MEGF8: variants seen among roughly 807,000 people sequenced by gnomAD.
MEGF8 encodes the protein multiple epidermal growth factor-like domains protein 8.
Under a neutral mutation model 302.9 loss-of-function variants are expected in MEGF8, and 156 were observed. That is an observed-to-expected ratio of 0.52 (90% CI 0.45 to 0.59). MEGF8 has a LOEUF of 0.59. Among genes scored for constraint, MEGF8 ranks in the 20% least tolerant of loss-of-function variants. The pLI, the probability that MEGF8 is intolerant of heterozygous loss-of-function variation, is 0.00. For synonymous variants in MEGF8, 1,621 were observed against 1,660.5 expected (o/e 0.98, Z 0.58); for missense variants, 3,345 against 3,964.5 (o/e 0.84, Z 4.20).
chr19:42,354,930 T>C lies in MEGF8; in HGVS notation c.4144+210T>C, dbSNP rs989912973. On this transcript the variant is annotated intron_variant, in intron 23 of 41. Coordinates refer to ENST00000251268, the MANE Select transcript of MEGF8 (RefSeq NM_001271938.2). The surrounding 1 kb of genome is among the most constrained non-coding windows in gnomAD (Gnocchi z 4.3). ...TACGTCTGCAGAGAGAAGGGCTGAA[T>C]GAGACATGTCTCTGGGGCATATAGA... Among the ~76,000 whole-genome samples, 12 of 152,294 alleles carry C rather than the reference T, an allele frequency of 7.9e-5. 1 individual carries two copies. In the South Asian group the frequency reaches 2.1e-3, roughly 26 times the overall value.
At position 42,368,655 on chromosome 19, in the gene MEGF8, C is replaced by T. The variant is rs1265719357; in HGVS notation, c.6474C>T (p.Pro2158=). ...GRCMEGGLSG[P]RDGLTCGRPG... is the part of the protein sequence containing the mutation. Reference sequence around the variant, plus strand: ...GCATGGAGGGTGGACTCAGCGGCCCCCGTGATGGTGAGAGGGCTTTGGGCA... The same window carrying T: ...GCATGGAGGGTGGACTCAGCGGCCCTCGTGATGGTGAGAGGGCTTTGGGCA... Residue 2158 remains proline (P), a synonymous_variant, in exon 36 of 42, where the codon CCC becomes CCT. Transcript: ENST00000251268. This position sits in a 1 kb window ranked among gnomAD's most constrained non-coding sequence, Gnocchi z 4.9. 4.5e-6 allele frequency: 7 copies of T among 1,544,868 alleles called. No homozygotes were observed. The highest frequency in any genetic ancestry group is 2.4e-5 in the South Asian group (2 of 82,666).
Position 42,368,440 on chromosome 19 carries a change from C to CA in MEGF8, c.6274-15_6274-14insA. ...TCTCTCTTCCCTGCATCCCCATCCC[C>CA]TCCCCCCCATACAGTGTCTGAGCCC... On this transcript the variant is annotated splice_polypyrimidine_tract_variant and intron_variant, in intron 35 of 41. Transcript: ENST00000251268. The surrounding 1 kb of genome is among the most constrained non-coding windows in gnomAD (Gnocchi z 4.9). 1 of 1,575,406 alleles carries CA rather than the reference C, an allele frequency of 6.3e-7. No individual in the cohort carries two copies.
In MEGF8 at chr19:42,348,293, A is replaced by G; in HGVS notation, c.2119A>G (p.Thr707Ala). The G allele has an allele frequency of 6.5e-7, 1 of 1,537,454 alleles. No individual in the cohort carries two copies. Among genetic ancestry groups the G allele is most frequent in the Non-Finnish European group, 8.7e-7 (1 of 1,146,880 alleles). ...ACAGGTCTCAATTGTCCGCAGCACG[A>G]CCATCACCCTAACACCCAGCGCAGA... ...PDKVSIVRST[T>A]ITLTPSAETD... The change falls in exon 13 of 42, where the codon ACC (threonine) becomes GCC (alanine). Residue 707 changes from threonine to alanine, a missense_variant. Transcript: ENST00000251268.
At chr19:42,363,751 A>G (rs2039566364) in intron 35 of MEGF8, among the ~76,000 whole-genome samples, 2 of 152,158 alleles carry the variant, frequency 1.3e-5, no homozygotes. Flanking sequence ...TGGTTTTGTT[A>G]TAAGGAAGTG....
chr19:42,361,978 C>T (rs922961361), intron 32 of MEGF8, 112 bp from the exon 33 acceptor site: 3 of 1,476,052 alleles, frequency 2.0e-6, no homozygotes, highest in Non-Finnish European at 2.7e-6. Flanking sequence ...CTCAGGAGGC[C>T]TGTGCTATGT....
rs762749073 is a variant in MEGF8 at position 42,344,789 on chromosome 19, T to G, written c.2053T>G (p.Leu685Val). 3 of 1,608,234 alleles carry G rather than the reference T, an allele frequency of 1.9e-6. No individual in the cohort carries two copies. The African/African-American group carries it at 4.0e-5, about 22-fold the overall frequency. Residue 685 changes from leucine to valine, a missense_variant, in exon 12 of 42, where the codon TTG becomes GTG. By Grantham distance (32) the Leu-to-Val change is conservative. Coordinates refer to ENST00000251268, the MANE Select transcript of MEGF8 (RefSeq NM_001271938.2). This position sits in a 1 kb window ranked among gnomAD's most constrained non-coding sequence, Gnocchi z 4.5. ...VTQSFLPGLHLLTFQQPPNTS... is the reference protein window; with the variant it reads ...VTQSFLPGLHVLTFQQPPNTS... ...CCAGAGCTTCCTGCCTGGCCTGCAC[T>G]TGCTCACCTTTCAGCAGCCGCCCAA...
At position 42,358,069 on chromosome 19, in the gene MEGF8, CAG is replaced by C. The variant is rs2039477538; in HGVS notation, c.5012-74_5012-73del. On this transcript the variant is annotated intron_variant, in intron 28 of 41. Transcript: ENST00000251268. This position sits in a 1 kb window ranked among gnomAD's most constrained non-coding sequence, Gnocchi z 4.4. ...GCCGGGGAAGGGAGTGGTCACCGAA[CAG>C]GGGACCGGGAGGTCGGCGGGGTCAG... The C allele has an allele frequency of 1.4e-6, 2 of 1,379,682 alleles. No homozygotes were observed. The highest frequency in any genetic ancestry group is 3.3e-5 in the Admixed American group (1 of 30,342). The allele number at this position is 1,379,682 out of a possible 1,614,324, so 85.5% of individuals were successfully genotyped here. A position where few individuals can be genotyped will look rare whatever the true frequency, so the allele number is the denominator to read the frequency against.
In MEGF8 at chr19:42,354,000, C is replaced by A; in HGVS notation, c.3987C>A (p.Ser1329=). Residue 1329 remains serine, a synonymous_variant, in exon 22 of 42, where the codon TCC becomes TCA. Coordinates refer to ENST00000251268, the MANE Select transcript of MEGF8 (RefSeq NM_001271938.2). The surrounding 1 kb of genome is among the most constrained non-coding windows in gnomAD (Gnocchi z 6.1). ...GTCCCCCACTCACCCTCACCTTCTC[C>A]CCCGACAGCAGCACCCCCTGCACGG... ...TLCPPLTLTF[S]PDSSTPCTLS... 1 of 1,586,300 alleles carries A rather than the reference C, an allele frequency of 6.3e-7. No homozygotes were observed.
rs773482615 is a variant in MEGF8, at chr19:42,335,432, AC to A, written c.828+50del. 5 of 1,587,260 alleles carry A rather than the reference AC, an allele frequency of 3.2e-6. No homozygotes were observed. The African/African-American group carries it at 6.7e-5, about 21-fold the overall frequency. ...TGGAGGAGCCTTTCCACTCAATCAG[AC>A]CCAGCCGGGGACCCCCGGAATGATC... On this transcript the variant is annotated intron_variant, in intron 5 of 41. Coordinates refer to ENST00000251268, the MANE Select transcript of MEGF8 (RefSeq NM_001271938.2).
intron 41 of MEGF8, among the ~76,000 whole-genome samples, chr19:42,373,346 C>T (rs1380118765): frequency 6.6e-6 from 1 of 151,892 alleles, no homozygotes; most frequent in African/African-American, 2.4e-5. Flanking sequence ...CCACCTTGGC[C>T]TTCCAGAGTG....
In MEGF8 at chr19:42,356,066, C is replaced by T; in HGVS notation, c.4393-17C>T. 1.9e-6 allele frequency: 3 copies of T among 1,589,270 alleles called. No homozygotes were observed. Among genetic ancestry groups the T allele is most frequent in the Non-Finnish European group, 2.6e-6 (3 of 1,164,026 alleles). On this transcript the variant is annotated splice_polypyrimidine_tract_variant and intron_variant, in intron 24 of 41. Coordinates refer to ENST00000251268, the MANE Select transcript of MEGF8 (RefSeq NM_001271938.2). This position sits in a 1 kb window ranked among gnomAD's most constrained non-coding sequence, Gnocchi z 5.2. ...GCTGGTGATCAGGGCTCCCCTGAGT[C>T]CCTTGTCATCCCCCAGAGCCTGGGT...
In MEGF8 at chr19:42,337,141, TC is replaced by T; in HGVS notation, c.1449del (p.Tyr484ThrfsTer34). On this transcript the variant is annotated frameshift_variant, in exon 8 of 42. Coordinates refer to ENST00000251268, the MANE Select transcript of MEGF8 (RefSeq NM_001271938.2). LOFTEE classifies it high-confidence loss of function. ...AAGTGCTACGAAGATGGCATCTTCTTCTACCACCTTGGCTGCCATCAATGGG... is the reference window on the plus strand; with the variant it reads ...AAGTGCTACGAAGATGGCATCTTCTTTACCACCTTGGCTGCCATCAATGGG... ...EEKCYEDGIF[F>X]YHLGCHQWVS... The T allele has an allele frequency of 1.9e-6, 3 of 1,614,000 alleles. No individual in the cohort carries two copies. Among genetic ancestry groups the T allele is most frequent in the Non-Finnish European group, 2.5e-6 (3 of 1,179,884 alleles).
rs2039026261 is a variant in MEGF8 at position 42,329,389 on chromosome 19, T to C, written c.187+2959T>C. Among the ~76,000 whole-genome samples the C allele has an allele frequency of 2.6e-5, 4 of 152,200 alleles. No individual in the cohort carries two copies. The South Asian group carries it at 8.3e-4, about 32-fold the overall frequency. ...AGGGGCTTAGAGGGGTGGAGAGGTGTAGACAGTGCAATCGATGTTTGTGGA... is the reference window on the plus strand; with the variant it reads ...AGGGGCTTAGAGGGGTGGAGAGGTGCAGACAGTGCAATCGATGTTTGTGGA... On this transcript the variant is annotated intron_variant, in intron 1 of 41. Coordinates refer to ENST00000251268, the MANE Select transcript of MEGF8 (RefSeq NM_001271938.2).
chr19:42,359,071 T>TGCC, intron 30 of MEGF8, 27 bp from the exon 31 acceptor site: 1 of 1,504,406 alleles, frequency 6.6e-7, no homozygotes, highest in Non-Finnish European at 8.9e-7. Context: ...GGCTGTCCTG[T>TGCC]CCCCCCACCC....
At position 42,356,899 on chromosome 19, in the gene MEGF8, T is replaced by C. The variant is rs1568569609; in HGVS notation, c.4748T>C (p.Leu1583Pro). The C allele has an allele frequency of 3.1e-6, 5 of 1,608,966 alleles. No individual in the cohort carries two copies. Among genetic ancestry groups the C allele is most frequent in the Non-Finnish European group, 4.2e-6 (5 of 1,178,070 alleles). ...YVPAGRGAMY[L>P]LGGLTAGGVT... Reference sequence around the variant, plus strand: ...CCCGCTGGCCGTGGTGCCATGTATCTGCTGGGGGGACTTACCGCTGGAGGC... The same window carrying C: ...CCCGCTGGCCGTGGTGCCATGTATCCGCTGGGGGGACTTACCGCTGGAGGC... The change falls in exon 27 of 42, where the codon CTG (leucine) becomes CCG (proline). Residue 1583 changes from leucine (L) to proline (P), a missense_variant. Transcript: ENST00000251268. The surrounding 1 kb of genome is among the most constrained non-coding windows in gnomAD (Gnocchi z 5.2).
Position 42,362,434 on chromosome 19 carries a change from C to T in MEGF8, c.5895C>T (p.Cys1965=), listed in dbSNP as rs1388749798. The part of the protein sequence containing the change: ...KWCTNCPEGA[C]IGRNGSCTSE... ...GTACCAACTGCCCCGAAGGTGCTTG[C>T]ATTGGACGCAATGGGTCCTGCACCT... The change falls in exon 34 of 42, where the codon TGC becomes TGT. Residue 1965 remains cysteine, a synonymous_variant. Coordinates refer to ENST00000251268, the MANE Select transcript of MEGF8 (RefSeq NM_001271938.2). 1 of 1,614,024 alleles carries T rather than the reference C, an allele frequency of 6.2e-7. No homozygotes were observed. Among genetic ancestry groups the T allele is most frequent in the South Asian group, 1.1e-5 (1 of 91,092 alleles).
At chr19:42,333,153 G>A (rs545301904) in intron 1 of MEGF8, among the ~76,000 whole-genome samples, 51 of 152,316 alleles carry the variant, frequency 3.3e-4, no homozygotes, top group African/African-American at 1.1e-3. Flanking sequence ...TTCAGCGTGG[G>A]CCAGGGGTGG....
At position 42,335,127 on chromosome 19, in the gene MEGF8, C is replaced by A. The variant is rs774819152; in HGVS notation, c.651C>A (p.Asn217Lys). Residue 217 changes from asparagine (N) to lysine (K), a missense_variant, in exon 4 of 42, where the codon AAC becomes AAA. Transcript: ENST00000251268. Reference sequence around the variant, plus strand: ...ACCAGGGGGCTGGGTGGTGGCACAACGTGAGTGCCAGGGACCCTGCCTTCT... The same window carrying A: ...ACCAGGGGGCTGGGTGGTGGCACAAAGTGAGTGCCAGGGACCCTGCCTTCT... ...WENQGAGWWH[N>K]VSARDPAFSA... 6.2e-6 allele frequency: 10 copies of A among 1,613,798 alleles called. No individual in the cohort carries two copies. In the African/African-American group the frequency reaches 1.1e-4, roughly 17 times the overall value.
rs770026911 is a variant in MEGF8 at position 42,352,296 on chromosome 19, C to G, written c.3190C>G (p.Pro1064Ala). ...GGGCCTGGGGCTTCCCGTGGCCCTC[C>G]CTGCCCGCTGGGCATACGCCCGCTG... is the stretch of plus-strand genomic sequence containing the variant. Reference protein sequence around the residue: ...GEGLGLPVALPARWAYARCPD... With the variant: ...GEGLGLPVALAARWAYARCPD... Residue 1064 changes from proline (P) to alanine (A), a missense_variant, in exon 19 of 42, where the codon CCT (proline) becomes GCT (alanine). Pro to Ala is a conservative substitution (Grantham distance 27). Coordinates refer to ENST00000251268, the MANE Select transcript of MEGF8 (RefSeq NM_001271938.2). This position sits in a 1 kb window ranked among gnomAD's most constrained non-coding sequence, Gnocchi z 4.4. 6.4e-7 allele frequency: 1 copy of G among 1,572,838 alleles called. No individual in the cohort carries two copies. The highest frequency in any genetic ancestry group is 8.6e-7 in the Non-Finnish European group (1 of 1,159,504).
Sources: gnomAD v4.1 joint callset for allele counts (sites outside exome capture counted in the v4.1 genomes callset) on GRCh38, gnomAD v4.1.1 for gene constraint, Gnocchi (gnomAD v3.1) non-coding constraint, MANE v1.5 for transcripts, NCBI Gene and HGNC (gene_info 2026-07-23, HGNC 2026-07-21) for gene names.